DLAT: variants seen among roughly 807,000 people sequenced by gnomAD.
DLAT encodes dihydrolipoyllysine-residue acetyltransferase component of pyruvate dehydrogenase complex, mitochondrial.
DLAT carries 43 observed loss-of-function variants against 68.0 expected under a neutral mutation model. The ratio of observed to expected loss-of-function variants is 0.63; its 90% CI spans 0.50 to 0.81. DLAT has a LOEUF of 0.81. Among genes scored for constraint, DLAT ranks in the 40% least tolerant of loss-of-function variants. The pLI is 0.00. For missense variants in DLAT, 745 were observed against 815.4 expected (o/e 0.91, Z 1.05); for synonymous variants, 265 against 288.6 (o/e 0.92, Z 0.83).
chr11:112,043,602 T>A, intron 8 of DLAT, 69 bp downstream of exon 8: 4 of 1,288,474 alleles, frequency 3.1e-6, no homozygotes, highest in South Asian at 1.2e-5. Context: ...TTTCATACAT[T>A]ATTTATGAAC....
intron 10 of DLAT, among the ~76,000 whole-genome samples, chr11:112,048,052 T>C (rs587744261): frequency 5.0e-4 from 76 of 152,348 alleles, no homozygotes; most frequent in African/African-American, 1.8e-3. Flanking sequence ...TAAATTACTT[T>C]GGGCAGTATG....
rs1297313239 is a variant in DLAT at position 112,051,172 on chromosome 11, GAAACTT to G, written c.1399-58_1399-53del. ...CCTGGACATTCTGCACATGCACCCTGAAACTTAAAATTAAAATTAAAATTAAAAAAG... is the reference window on the plus strand; with the variant it reads ...CCTGGACATTCTGCACATGCACCCTGAAAATTAAAATTAAAATTAAAAAAG... On this transcript the variant is annotated intron_variant, in intron 10 of 13. Coordinates refer to ENST00000280346, the MANE Select transcript of DLAT (RefSeq NM_001931.5). The surrounding 1 kb of genome is among the most constrained non-coding windows in gnomAD (Gnocchi z 4.3). 1.1e-5 allele frequency: 14 copies of G among 1,221,884 alleles called. No homozygotes were observed. Among genetic ancestry groups the G allele is most frequent in the Non-Finnish European group, 1.6e-5 (14 of 856,662 alleles). The allele number at this position is 1,221,884 out of a possible 1,614,324, so 75.7% of individuals were successfully genotyped here. A position where few individuals can be genotyped will look rare whatever the true frequency, so the allele number is the denominator to read the frequency against.
At chr11:112,056,985 G>A (rs1397941567) in intron 11 of DLAT, among the ~76,000 whole-genome samples, 4 of 152,154 alleles carry the variant, frequency 2.6e-5, no homozygotes, top group Admixed American at 2.6e-4. Flanking sequence ...AACAGCATGT[G>A]CTCACTTCCT....
intron 2 of DLAT, among the ~76,000 whole-genome samples, chr11:112,028,247 C>T (rs1262078158): frequency 4.6e-5 from 7 of 151,874 alleles, no homozygotes; most frequent in Admixed American, 3.3e-4. Context: ...GGTGAAACCC[C>T]GTCTCTGCTA....
In DLAT at chr11:112,028,840, A is replaced by G; in HGVS notation, c.555A>G (p.Ala185=). The G allele has an allele frequency of 6.2e-7, 1 of 1,614,200 alleles. No individual in the cohort carries two copies. The highest frequency in any genetic ancestry group is 1.1e-5 in the South Asian group (1 of 91,088). Residue 185 remains alanine (A), a synonymous_variant, in exon 4 of 14, where the codon GCA becomes GCG. Coordinates refer to ENST00000280346, the MANE Select transcript of DLAT (RefSeq NM_001931.5). ...AFKNYTLDSS[A]APTPQAAPAP... is the part of the protein sequence containing the mutation. ...AAAATTATACACTGGATTCCTCAGC[A>G]GCACCTACCCCACAAGCGGCCCCAG...
At chr11:112,043,963 G>T (rs1214387128) in intron 8 of DLAT, among the ~76,000 whole-genome samples, 1 of 152,060 alleles carries the variant, frequency 6.6e-6, no homozygotes, top group African/African-American at 2.4e-5. Context: ...ATTTGCCTTT[G>T]GTTGAATCCA....
chr11:112,046,022 C>G lies in DLAT; in HGVS notation c.1398+52C>G, dbSNP rs1387854802. 5.9e-6 allele frequency: 6 copies of G among 1,023,750 alleles called. No individual in the cohort carries two copies. The East Asian group carries it at 1.5e-4, about 26-fold the overall frequency. The allele number at this position is 1,023,750 out of a possible 1,614,324, so 63.4% of individuals were successfully genotyped here. A position where few individuals can be genotyped will look rare whatever the true frequency, so the allele number is the denominator to read the frequency against. ...CTAAGTTATAAAAATTTTGTCTTTC[C>G]CCACCAAACATTTATATTTTTGTCC... is the stretch of plus-strand genomic sequence containing the variant. On this transcript the variant is annotated intron_variant, in intron 10 of 13. Transcript: ENST00000280346.
intron 10 of DLAT, among the ~76,000 whole-genome samples, 196 bp downstream of exon 10, chr11:112,046,166 G>A (rs1555181460): frequency 1.3e-5 from 2 of 152,038 alleles, no homozygotes; most frequent in South Asian, 2.1e-4. Context: ...TGTGCTTTTG[G>A]TATTATATCT....
intron 5 of DLAT, among the ~76,000 whole-genome samples, chr11:112,036,212 T>TG (rs1862762613): frequency 1.1e-5 from 1 of 93,604 alleles, no homozygotes; most frequent in African/African-American, 4.4e-5. Flanking sequence ...TTTTTTTTTT[T>TG]TTTTTTTTTT....
chr11:112,039,138 A>G (rs2137762608), intron 6 of DLAT, 106 bp from the exon 7 acceptor site: 2 of 1,112,322 alleles, frequency 1.8e-6, no homozygotes, highest in East Asian at 5.7e-5. Flanking sequence ...AGTTATTAAT[A>G]TTTAATTAAA....
chr11:112,036,195 GTGTGTGTTTTTTTTTTTTTT>G (rs1862745432), intron 5 of DLAT, among the ~76,000 whole-genome samples: 1 of 66,906 alleles, frequency 1.5e-5, no homozygotes, highest in African/African-American at 6.2e-5. Flanking sequence ...GTGTGTGTGT[GTGTGTGTTTTTTTTTTTTTT>G]TTTTTTTTTT....
At chr11:112,056,164 C>T (rs966358067) in intron 11 of DLAT, among the ~76,000 whole-genome samples, 6 of 151,872 alleles carry the variant, frequency 4.0e-5, no homozygotes, top group African/African-American at 1.2e-4. Flanking sequence ...CGTGCCTGGC[C>T]GCATGTAGAC....
Position 112,025,492 on chromosome 11 carries a change from G to C in DLAT, c.20G>C (p.Arg7Pro). 6.2e-7 allele frequency: 1 copy of C among 1,613,552 alleles called. No individual in the cohort carries two copies. The highest frequency in any genetic ancestry group is 8.5e-7 in the Non-Finnish European group (1 of 1,179,912). ...GGCACTATGTGGCGCGTCTGTGCGC[G>C]ACGGGCTCAGAATGTAGCCCCATGG... Reference protein sequence around the residue: MWRVCARRAQNVAPWAG... With the variant: MWRVCAPRAQNVAPWAG... Residue 7 changes from arginine to proline, a missense_variant, in exon 1 of 14, where the codon CGA becomes CCA. Coordinates refer to ENST00000280346, the MANE Select transcript of DLAT (RefSeq NM_001931.5).
rs1555183396 is a variant in DLAT, at chr11:112,062,524, A to G, written c.1933A>G (p.Met645Val). 2.5e-6 allele frequency: 4 copies of G among 1,612,302 alleles called. No homozygotes were observed. The highest frequency in any genetic ancestry group is 2.2e-5 in the South Asian group (2 of 91,008). ...FRKYLEKPITMLL is the reference protein window; with the variant it reads ...FRKYLEKPITVLL The stretch of plus-strand genomic sequence containing the variant: ...AAAGTACCTTGAAAAACCTATCACT[A>G]TGTTGTTGTAACTAACTCAAGAATT... The change falls in exon 14 of 14, where the codon ATG (methionine) becomes GTG (valine). Residue 645 changes from methionine to valine, a missense_variant. Coordinates refer to ENST00000280346, the MANE Select transcript of DLAT (RefSeq NM_001931.5).
intron 11 of DLAT, among the ~76,000 whole-genome samples, chr11:112,058,600 C>T (rs1206398643): frequency 1.5e-4 from 5 of 34,320 alleles, no homozygotes; most frequent in African/African-American, 4.5e-4. Context: ...TTGTGAACTT[C>T]AGTTGGGGTG....
chr11:112,051,335 C>G lies in DLAT; in HGVS notation c.1500C>G (p.Asp500Glu), dbSNP rs373908759. 1 of 1,610,606 alleles carries G rather than the reference C, an allele frequency of 6.2e-7. No homozygotes were observed. The highest frequency in any genetic ancestry group is 1.1e-5 in the South Asian group (1 of 91,026). ...CCGAAGCAAATTCTTCTTGGATGGA[C>G]ACAGTTATAAGACAGTAAGTATAAC... Reference protein sequence around the residue: ...KVPEANSSWMDTVIRQNHVVD... With the variant: ...KVPEANSSWMETVIRQNHVVD... The change falls in exon 11 of 14, where the codon GAC (aspartate) becomes GAG (glutamate). Residue 500 changes from aspartate (D) to glutamate (E), a missense_variant. Transcript: ENST00000280346. The surrounding 1 kb of genome is among the most constrained non-coding windows in gnomAD (Gnocchi z 4.3).
rs1555179101 is a variant in DLAT at position 112,025,580 on chromosome 11, G to C, written c.108G>C (p.Ser36=). Residue 36 remains serine (S), a synonymous_variant, in exon 1 of 14, where the codon TCG becomes TCC. Transcript: ENST00000280346. ...TACCCGGAACTCCACGAGTGACCTC[G>C]CGATCTGGCCCGGCTCCCGCTCGTC... The part of the protein sequence containing the change: ...QEVPGTPRVT[S]RSGPAPARRN... 1 of 1,613,870 alleles carries C rather than the reference G, an allele frequency of 6.2e-7. No homozygotes were observed. The highest frequency in any genetic ancestry group is 8.5e-7 in the Non-Finnish European group (1 of 1,180,000).
At position 112,051,149 on chromosome 11, in the gene DLAT, T is replaced by G; in HGVS notation, c.1399-85T>G. 1 of 926,964 alleles carries G rather than the reference T, an allele frequency of 1.1e-6. No homozygotes were observed. Among genetic ancestry groups the G allele is most frequent in the Non-Finnish European group, 1.7e-6 (1 of 600,768 alleles). 57.4% of individuals were successfully genotyped at this position (926,964 alleles called of 1,614,324 possible). On this transcript the variant is annotated intron_variant, in intron 10 of 13. Transcript: ENST00000280346. This position sits in a 1 kb window ranked among gnomAD's most constrained non-coding sequence, Gnocchi z 4.3. ...CACATGTTTACCTATATAATAAACC[T>G]GGACATTCTGCACATGCACCCTGAA... is the stretch of plus-strand genomic sequence containing the variant.
At chr11:112,050,127 T>C (rs1180116545) in intron 10 of DLAT, among the ~76,000 whole-genome samples, 1 of 152,244 alleles carries the variant, frequency 6.6e-6, no homozygotes, top group Non-Finnish European at 1.5e-5. Context: ...GTTGAGATGA[T>C]TATGTGTTTT....
Sources: allele counts gnomAD v4.1 joint callset (sites outside exome capture counted in the v4.1 genomes callset), GRCh38; gene constraint gnomAD v4.1.1; non-coding constraint Gnocchi (gnomAD v3.1); transcripts MANE v1.5; gene names NCBI Gene and HGNC (gene_info 2026-07-23, HGNC 2026-07-21).